Variants in LMBR1 observed in about 807,000 individuals in gnomAD.
The protein encoded by LMBR1 is limb development membrane protein 1.
A neutral mutation model predicts 73.9 loss-of-function variants in LMBR1; 52 were observed. That is an observed-to-expected ratio of 0.70 (90% CI 0.56 to 0.89). The LOEUF (loss-of-function observed/expected upper bound fraction) is 0.89. Ranked by LOEUF, LMBR1 falls within the 40% of genes least tolerant of loss-of-function variation. The pLI is 0.00. For synonymous variants in LMBR1, 215 were observed against 209.4 expected, an observed-to-expected ratio of 1.03 and a Z score of -0.23; for missense variants, 539 against 579.8, an observed-to-expected ratio of 0.93 and a Z score of 0.72.
At chr7:156,844,557 C>CA (rs1426411032) in intron 1 of LMBR1, among the ~76,000 whole-genome samples, 1 of 137,682 alleles carries the variant, frequency 7.3e-6, no homozygotes, top group Non-Finnish European at 1.6e-5. Context: ...AATTCCTAAC[C>CA]AAAAAAAAGA....
At chr7:156,766,429 G>C (rs1294950262) in intron 5 of LMBR1, among the ~76,000 whole-genome samples, 1 of 152,180 alleles carries the variant, frequency 6.6e-6, no homozygotes, top group African/African-American at 2.4e-5. Context: ...ACTCGGTTAT[G>C]TGCTGTGCAT....
At chr7:156,788,157 G>A (rs1055297054) in intron 5 of LMBR1, among the ~76,000 whole-genome samples, 6 of 152,132 alleles carry the variant, frequency 3.9e-5, no homozygotes, top group African/African-American at 1.2e-4. Context: ...TCATAAGGCC[G>A]GGTACAGTAG....
At chr7:156,818,913 C>T (rs1189081822) in intron 4 of LMBR1, among the ~76,000 whole-genome samples, 2 of 152,140 alleles carry the variant, frequency 1.3e-5, no homozygotes, top group Non-Finnish European at 2.9e-5. Context: ...CATCTCTGCC[C>T]TATCCTACAA....
Position 156,679,754 on chromosome 7 carries a change from G to T in LMBR1, c.*4324C>A, listed in dbSNP as rs1804687666. The stretch of plus-strand genomic sequence containing the variant: ...GTCCTCCACAACCACTCACATCAGG[G>T]CCGCCCTGCTGTTCATAATCCAGGC... On this transcript the variant is annotated 3_prime_UTR_variant, in exon 17 of 17. Transcript: ENST00000353442. 6.6e-6 allele frequency: 1 copy of T among 152,240 alleles called. No homozygotes were observed. Among genetic ancestry groups the T allele is most frequent in the South Asian group, 2.1e-4 (1 of 4,814 alleles). 9.4% of individuals were successfully genotyped at this position (152,240 alleles called of 1,614,324 possible). A position where few individuals can be genotyped will look rare whatever the true frequency, so the allele number is the denominator to read the frequency against.
At chr7:156,874,146 C>T (rs372132608) in intron 1 of LMBR1, among the ~76,000 whole-genome samples, 1 of 152,244 alleles carries the variant, frequency 6.6e-6, no homozygotes, top group Admixed American at 6.5e-5. Flanking sequence ...CCGAGCCCCA[C>T]CCGCGGGAAG....
At chr7:156,677,716 T>C (rs1293604580), downstream of LMBR1, 3 of 152,278 alleles carry the variant, frequency 2.0e-5, no homozygotes, top group African/African-American at 7.2e-5. Context: ...TCCTATGTTT[T>C]GTGATGTACA....
chr7:156,757,730 G>C (rs1397213745), intron 8 of LMBR1, among the ~76,000 whole-genome samples: 2 of 152,174 alleles, frequency 1.3e-5, no homozygotes, highest in Non-Finnish European at 2.9e-5. Flanking sequence ...AGACTTTAAA[G>C]TATTTTCAGA....
At chr7:156,746,028 A>G (rs1819785646) in intron 9 of LMBR1, among the ~76,000 whole-genome samples, 1 of 152,326 alleles carries the variant, frequency 6.6e-6, no homozygotes, top group Non-Finnish European at 1.5e-5. Flanking sequence ...GCAAAGGGGG[A>G]AGCAATTAAG....
chr7:156,782,441 A>G (rs1284437096), intron 5 of LMBR1, among the ~76,000 whole-genome samples: 1 of 152,180 alleles, frequency 6.6e-6, no homozygotes, highest in African/African-American at 2.4e-5. Context: ...CCAACAATGC[A>G]CAATATTCCC....
At chr7:156,742,637 A>G (rs960346019) in intron 9 of LMBR1, among the ~76,000 whole-genome samples, 1 of 152,210 alleles carries the variant, frequency 6.6e-6, no homozygotes, top group African/African-American at 2.4e-5. Context: ...CCCAATAAAG[A>G]AAACCTCAGG....
chr7:156,816,228 CAG>C (rs914547384), intron 4 of LMBR1, among the ~76,000 whole-genome samples: 3 of 151,606 alleles, frequency 2.0e-5, no homozygotes, highest in African/African-American at 7.3e-5. Flanking sequence ...TTTTTGGAGA[CAG>C]AGTCTCACTC....
intron 1 of LMBR1, among the ~76,000 whole-genome samples, chr7:156,884,263 C>T (rs1486456348): frequency 6.6e-6 from 1 of 152,152 alleles, no homozygotes; most frequent in African/African-American, 2.4e-5. Flanking sequence ...CAGAGCAAGG[C>T]ACACACCTAG....
chr7:156,708,034 T>TATA (rs1554476212), intron 15 of LMBR1, among the ~76,000 whole-genome samples: 3 of 114,906 alleles, frequency 2.6e-5, no homozygotes, highest in Non-Finnish European at 5.7e-5. Flanking sequence ...CATTTCTATA[T>TATA]AAAAAAAAAA....
intron 1 of LMBR1, among the ~76,000 whole-genome samples, chr7:156,883,684 G>A (rs781777198): frequency 6.6e-5 from 10 of 152,168 alleles, no homozygotes; most frequent in Non-Finnish European, 1.2e-4. Context: ...CTCTAGGAAA[G>A]AATTCATTTC....
At chr7:156,828,163 A>G (rs1280370503) in intron 3 of LMBR1, among the ~76,000 whole-genome samples, 2 of 152,118 alleles carry the variant, frequency 1.3e-5, no homozygotes, top group Non-Finnish European at 2.9e-5. Flanking sequence ...TCCCAAGATA[A>G]TTTTCCAGGC....
At chr7:156,704,943 T>C (rs1810604504) in intron 15 of LMBR1, among the ~76,000 whole-genome samples, 1 of 152,044 alleles carries the variant, frequency 6.6e-6, no homozygotes, top group South Asian at 2.1e-4. Context: ...GCCTTGGAGA[T>C]GTTTGAGACT....
Position 156,670,760 on chromosome 7 carries a change from C to T in LMBR1, n.867-1473G>A, listed in dbSNP as rs1469891291. Among the ~76,000 whole-genome samples the T allele has an allele frequency of 1.3e-5, 2 of 152,160 alleles. No homozygotes were observed. Among genetic ancestry groups the T allele is most frequent in the Admixed American group, 1.3e-4 (2 of 15,274 alleles). On this transcript the variant is annotated intron_variant and non_coding_transcript_variant, in intron 4 of 4. Coordinates refer to the LMBR1 transcript ENST00000430825. The surrounding 1 kb of genome is among the most constrained non-coding windows in gnomAD (Gnocchi z 4.3). ...TCCCATGTGAACCAAATGAAAGTTA[C>T]ATTCAAGACGAGAGGCAAAAGAAAA...
intron 1 of LMBR1, among the ~76,000 whole-genome samples, chr7:156,881,820 AAG>A (rs1801137775): frequency 1.3e-5 from 2 of 152,184 alleles, no homozygotes; most frequent in South Asian, 4.1e-4. Context: ...AAAAAAAAAA[AAG>A]AAGACGACAA....
chr7:156,689,307 GA>G (rs1331030572), intron 15 of LMBR1, among the ~76,000 whole-genome samples: 1 of 152,056 alleles, frequency 6.6e-6, no homozygotes, highest in Non-Finnish European at 1.5e-5. Context: ...CAAAGAATTA[GA>G]ATAAGTAATA....
Sources: gnomAD v4.1 joint callset for allele counts (sites outside exome capture counted in the v4.1 genomes callset) on GRCh38, gnomAD v4.1.1 for gene constraint, Gnocchi (gnomAD v3.1) non-coding constraint, MANE v1.5 for transcripts, NCBI Gene and HGNC (gene_info 2026-07-23, HGNC 2026-07-21) for gene names.